NRG3: variants seen among roughly 807,000 people sequenced by gnomAD.
The protein encoded by NRG3 is pro-neuregulin-3, membrane-bound isoform.
NRG3 carries 31 observed loss-of-function variants against 66.9 expected under a neutral mutation model. The ratio of observed to expected loss-of-function variants is 0.46; its 90% CI spans 0.35 to 0.63. The LOEUF (loss-of-function observed/expected upper bound fraction) is 0.63. NRG3 is among the 20% of genes least tolerant of loss of function. The pLI is 0.00. For synonymous variants in NRG3, 393 were observed against 359.4 expected (o/e 1.09, Z -1.06); for missense variants, 910 against 878.9 (o/e 1.04, Z -0.45).
chr10:82,896,103 G>C (rs1261977113), intron 4 of NRG3, among the ~76,000 whole-genome samples: 1 of 152,176 alleles, frequency 6.6e-6, no homozygotes, highest in Non-Finnish European at 1.5e-5. Context: ...ACAATTTGAA[G>C]AGAAAGTGAT....
chr10:82,237,359 A>C (rs2076805070), intron 1 of NRG3, among the ~76,000 whole-genome samples: 1 of 152,190 alleles, frequency 6.6e-6, no homozygotes, highest in South Asian at 2.1e-4. Flanking sequence ...GGAGATCTCT[A>C]TGAATACTCC....
At chr10:82,696,992 C>G (rs12243791) in intron 2 of NRG3, among the ~76,000 whole-genome samples, 31,810 of 152,098 alleles carry the variant, frequency 0.21, 3,533 homozygotes, top group Middle Eastern at 0.34. Flanking sequence ...TCTTATTCTG[C>G]TAGTTTGTTT....
chr10:82,454,745 G>A (rs2091192710), intron 2 of NRG3, among the ~76,000 whole-genome samples: 1 of 152,086 alleles, frequency 6.6e-6, no homozygotes, highest in Admixed American at 6.5e-5. Context: ...TTCAGGGAGG[G>A]AAAAAGCTAT....
intron 1 of NRG3, among the ~76,000 whole-genome samples, chr10:81,878,541 A>T (rs1429681833): frequency 1.3e-5 from 2 of 152,282 alleles, no homozygotes; most frequent in Admixed American, 6.5e-5. Flanking sequence ...CATTTGAGAG[A>T]TTATCAGCAG....
At chr10:81,956,273 C>G (rs1405693863) in intron 1 of NRG3, among the ~76,000 whole-genome samples, 2 of 152,184 alleles carry the variant, frequency 1.3e-5, no homozygotes, top group Non-Finnish European at 2.9e-5. Context: ...ATTCACCAAG[C>G]TCCAAGGAAC....
At chr10:81,935,903 A>G (rs944984840) in intron 1 of NRG3, among the ~76,000 whole-genome samples, 5 of 149,336 alleles carry the variant, frequency 3.3e-5, no homozygotes, top group Non-Finnish European at 5.9e-5. Context: ...ACACACACAC[A>G]CACACACACA....
chr10:82,928,348 TCC>T (rs1248079680), intron 4 of NRG3, among the ~76,000 whole-genome samples: 14 of 152,204 alleles, frequency 9.2e-5, no homozygotes, highest in African/African-American at 3.4e-4. Context: ...TTTAGTTAGA[TCC>T]CATTTGTCAA....
chr10:82,482,567 T>C (rs1215149641), intron 2 of NRG3, among the ~76,000 whole-genome samples: 6 of 152,060 alleles, frequency 3.9e-5, no homozygotes, highest in Non-Finnish European at 8.8e-5. Context: ...ACACAGAGTG[T>C]GATTCTTGGA....
intron 2 of NRG3, among the ~76,000 whole-genome samples, chr10:82,380,066 G>C (rs573909274): frequency 4.3e-4 from 65 of 152,004 alleles, no homozygotes; most frequent in African/African-American, 1.5e-3. Flanking sequence ...TCCTCACCAA[G>C]GTTTAACCAC....
At chr10:82,983,785 C>T (rs556038406) in intron 8 of NRG3, among the ~76,000 whole-genome samples, 2 of 152,234 alleles carry the variant, frequency 1.3e-5, no homozygotes, top group Non-Finnish European at 2.9e-5. Context: ...GGAGAGTTTA[C>T]CTTGAAGATT....
chr10:82,718,358 G>A (rs1194166564), intron 2 of NRG3, among the ~76,000 whole-genome samples: 1 of 152,130 alleles, frequency 6.6e-6, no homozygotes, highest in Non-Finnish European at 1.5e-5. Context: ...CCAAGAACAC[G>A]ATGATCATAT....
At chr10:82,091,772 A>G (rs566225358) in intron 1 of NRG3, among the ~76,000 whole-genome samples, 8 of 152,272 alleles carry the variant, frequency 5.3e-5, no homozygotes, top group East Asian at 3.9e-4. Context: ...CCTGCCAACA[A>G]TGCATAGGTG....
chr10:82,084,192 C>T (rs1052385993), intron 1 of NRG3, among the ~76,000 whole-genome samples: 18 of 151,996 alleles, frequency 1.2e-4, no homozygotes, highest in South Asian at 2.1e-4. Flanking sequence ...TGCGCCACTG[C>T]ACTCCATCCA....
chr10:82,304,242 T>C (rs949675565), intron 1 of NRG3, among the ~76,000 whole-genome samples: 1 of 152,214 alleles, frequency 6.6e-6, no homozygotes, highest in Non-Finnish European at 1.5e-5. Context: ...TTTTTCTTAT[T>C]TTGAATGTGA....
At chr10:82,074,363 G>T (rs566500419) in intron 1 of NRG3, among the ~76,000 whole-genome samples, 22 of 152,298 alleles carry the variant, frequency 1.4e-4, no homozygotes, top group African/African-American at 5.1e-4. Context: ...AGGTGGGATA[G>T]TAGAAACGTT....
intron 2 of NRG3, among the ~76,000 whole-genome samples, chr10:82,678,056 G>A (rs1444822826): frequency 1.3e-5 from 2 of 152,154 alleles, no homozygotes; most frequent in Admixed American, 6.5e-5. Flanking sequence ...ACATATACCA[G>A]TTAAACTCCG....
At chr10:81,908,945 G>A (rs969766062) in intron 1 of NRG3, among the ~76,000 whole-genome samples, 2 of 152,124 alleles carry the variant, frequency 1.3e-5, no homozygotes, top group Non-Finnish European at 1.5e-5. Context: ...GATGGGAGTT[G>A]TACTAGTTTT....
chr10:82,814,873 C>T (rs1400481594), intron 3 of NRG3, among the ~76,000 whole-genome samples: 5 of 152,116 alleles, frequency 3.3e-5, no homozygotes, highest in African/African-American at 1.2e-4. Flanking sequence ...TCCTTTAATC[C>T]TCACAACTCT....
chr10:82,498,686 C>T (rs1433143049), intron 2 of NRG3, among the ~76,000 whole-genome samples: 1 of 152,146 alleles, frequency 6.6e-6, no homozygotes, highest in African/African-American at 2.4e-5. Flanking sequence ...GAGAGAGTCA[C>T]TCCCAACCGT....
Sources: gnomAD v4.1 joint callset for allele counts (sites outside exome capture counted in the v4.1 genomes callset) on GRCh38, gnomAD v4.1.1 for gene constraint, MANE v1.5 for transcripts, NCBI Gene and HGNC (gene_info 2026-07-23, HGNC 2026-07-21) for gene names.